COL25A1: variants seen among roughly 807,000 people sequenced by gnomAD.
COL25A1 encodes collagen alpha-1(XXV) chain.
A neutral mutation model predicts 128.4 loss-of-function variants in COL25A1; 103 were observed. The observed-to-expected ratio is 0.80, with a 90% CI of 0.68 to 0.94. The LOEUF (loss-of-function observed/expected upper bound fraction) is 0.94, where lower values mean the gene tolerates loss of function less well. Among genes scored for constraint, COL25A1 ranks in the 40% least tolerant of loss-of-function variants. The pLI is 0.00. For missense variants in COL25A1, 745 were observed against 840.0 expected, an observed-to-expected ratio of 0.89 and a Z score of 1.40; for synonymous variants, 279 against 277.2, an observed-to-expected ratio of 1.01 and a Z score of -0.06.
intron 8 of COL25A1, among the ~76,000 whole-genome samples, chr4:108,948,020 A>G (rs1217002618): frequency 6.6e-6 from 1 of 152,220 alleles, no homozygotes; most frequent in Admixed American, 6.5e-5. Flanking sequence ...CAACACGACC[A>G]TCACAGTGGG....
At chr4:108,918,345 C>T in intron 12 of COL25A1, 129 bp from the exon 13 acceptor site, 1 of 557,678 alleles carries the variant, frequency 1.8e-6, no homozygotes, top group East Asian at 3.1e-5. Flanking sequence ...AGACCTTATC[C>T]ACTGTGTTCA....
rs374912745 is a variant in COL25A1, at chr4:108,832,444, G to C, written c.1657-11C>G. On this transcript the variant is annotated splice_polypyrimidine_tract_variant and intron_variant, in intron 31 of 37. Transcript: ENST00000399132. ...AGGACCATCTGTACCCTAAAAAAAA[G>C]ATAATATGAGATATATCACAAGGGC... 15 of 1,555,988 alleles carry C rather than the reference G, an allele frequency of 9.6e-6. No individual in the cohort carries two copies. The highest frequency in any genetic ancestry group is 1.7e-4 in the Middle Eastern group (1 of 5,898).
intron 3 of COL25A1, among the ~76,000 whole-genome samples, chr4:109,158,541 T>C (rs1772247741): frequency 6.6e-6 from 1 of 152,176 alleles, no homozygotes; most frequent in South Asian, 2.1e-4. Flanking sequence ...GTATCTACAA[T>C]ATTCTAGGAG....
chr4:109,229,343 T>C (rs1779016663), intron 3 of COL25A1, among the ~76,000 whole-genome samples: 1 of 152,230 alleles, frequency 6.6e-6, no homozygotes, highest in African/African-American at 2.4e-5. Flanking sequence ...CAAGGTTAGA[T>C]TCCTGTAAGC....
chr4:109,097,592 G>GA (rs896608593), intron 3 of COL25A1, among the ~76,000 whole-genome samples: 12 of 150,592 alleles, frequency 8.0e-5, no homozygotes, highest in Admixed American at 2.0e-4. Context: ...CAGCCTGGGT[G>GA]AAAAAAGCAA....
At chr4:108,980,803 T>A (rs1752901638) in intron 6 of COL25A1, among the ~76,000 whole-genome samples, 1 of 152,236 alleles carries the variant, frequency 6.6e-6, no homozygotes, top group Admixed American at 6.5e-5. Context: ...AAGAAGATAG[T>A]CTGCTGTACA....
At chr4:108,991,443 T>C (rs1322998508) in intron 6 of COL25A1, among the ~76,000 whole-genome samples, 1 of 151,796 alleles carries the variant, frequency 6.6e-6, no homozygotes, top group East Asian at 1.9e-4. Flanking sequence ...TACAATGGAG[T>C]TTTTCATATC....
At position 109,143,348 on chromosome 4, in the gene COL25A1, C is replaced by A. The variant is rs995346975; in HGVS notation, c.368-93169G>T. 5.9e-5 allele frequency among the ~76,000 whole-genome samples: 9 copies of A among 152,242 alleles called. No homozygotes were observed. In the East Asian group the frequency reaches 1.5e-3, roughly 26 times the overall value. On this transcript the variant is annotated intron_variant, in intron 3 of 37. Coordinates refer to ENST00000399132, the MANE Select transcript of COL25A1 (RefSeq NM_198721.4). ...TGGCTGCCCTTAACGTTTTTTCCTT[C>A]ATTTTAACCTTGTTGAATCTGATAA...
intron 3 of COL25A1, among the ~76,000 whole-genome samples, chr4:109,195,930 T>G (rs1015480869): frequency 5.9e-5 from 9 of 152,240 alleles, no homozygotes; most frequent in African/African-American, 2.2e-4. Flanking sequence ...TATACTTGGC[T>G]CCCAGTATAG....
chr4:108,971,776 G>C (rs1249704497), intron 8 of COL25A1, among the ~76,000 whole-genome samples: 1 of 152,144 alleles, frequency 6.6e-6, no homozygotes, highest in African/African-American at 2.4e-5. Flanking sequence ...ATTATATAAG[G>C]TTAAGAGTGG....
intron 19 of COL25A1, among the ~76,000 whole-genome samples, chr4:108,876,778 C>A (rs544508386): frequency 6.2e-4 from 95 of 152,246 alleles, no homozygotes; most frequent in Admixed American, 5.0e-3. Context: ...GCTTCAAATT[C>A]CAAAATGAAG....
At chr4:108,862,083 A>G (rs1016031776) in intron 22 of COL25A1, among the ~76,000 whole-genome samples, 2 of 152,194 alleles carry the variant, frequency 1.3e-5, no homozygotes, top group African/African-American at 4.8e-5. Flanking sequence ...TATAGAGGAG[A>G]ATTTCAATTG....
chr4:109,279,876 T>C (rs115426000), intron 3 of COL25A1, among the ~76,000 whole-genome samples: 3,174 of 152,250 alleles, frequency 0.021, 93 homozygotes, highest in African/African-American at 0.072. Context: ...GTAGACCAAA[T>C]CAGTTCTGAA....
chr4:108,936,821 A>G (rs1311065694), intron 11 of COL25A1, among the ~76,000 whole-genome samples: 1 of 147,568 alleles, frequency 6.8e-6, no homozygotes, highest in African/African-American at 2.5e-5. Flanking sequence ...ATATATATAT[A>G]TATTTAGAGA....
chr4:109,134,934 T>C (rs1217607307), intron 3 of COL25A1, among the ~76,000 whole-genome samples: 2 of 142,442 alleles, frequency 1.4e-5, no homozygotes, highest in Non-Finnish European at 3.0e-5. Context: ...AGGGTCAAAA[T>C]AGAACCTGGA....
chr4:109,248,283 C>G (rs531087491), intron 3 of COL25A1, among the ~76,000 whole-genome samples: 25 of 152,146 alleles, frequency 1.6e-4, no homozygotes, highest in Admixed American at 1.0e-3. Context: ...TTTAGACTCT[C>G]AAACTTTTCA....
chr4:108,831,744 G>C lies in COL25A1; in HGVS notation c.1710+636C>G, dbSNP rs1733146689. On this transcript the variant is annotated intron_variant, in intron 32 of 37. Transcript: ENST00000399132. ...CATGCATGAGAGGGAGAAGAGAGAAGAAAGTTCCAGACAGATGACCATTTA... is the reference window on the plus strand; with the variant it reads ...CATGCATGAGAGGGAGAAGAGAGAACAAAGTTCCAGACAGATGACCATTTA... 2.0e-5 allele frequency among the ~76,000 whole-genome samples: 3 copies of C among 150,834 alleles called. 1 individual carries two copies. In the South Asian group the frequency reaches 6.3e-4, roughly 32 times the overall value.
chr4:108,969,544 C>T (rs981483775), intron 8 of COL25A1, among the ~76,000 whole-genome samples: 1 of 152,302 alleles, frequency 6.6e-6, no homozygotes, highest in South Asian at 2.1e-4. Context: ...TCCTAGCTTT[C>T]ATGGTGAAAT....
At chr4:109,027,064 T>C (rs939066950) in intron 5 of COL25A1, among the ~76,000 whole-genome samples, 12 of 152,348 alleles carry the variant, frequency 7.9e-5, no homozygotes, top group Middle Eastern at 3.4e-3. Flanking sequence ...GTTGAGTACC[T>C]ACAGTGTGCA....
Sources: gnomAD v4.1 joint callset for allele counts (sites outside exome capture counted in the v4.1 genomes callset) on GRCh38, gnomAD v4.1.1 for gene constraint, MANE v1.5 for transcripts, NCBI Gene and HGNC (gene_info 2026-07-23, HGNC 2026-07-21) for gene names.